The following SGSM1 variants were observed in gnomAD, a reference collection of about 807,000 sequenced individuals.
The protein encoded by SGSM1 is RUN and TBC1 domain containing 2.
A neutral mutation model predicts 133.8 loss-of-function variants in SGSM1; 73 were observed. The observed-to-expected ratio is 0.55, with a 90% CI of 0.45 to 0.66. SGSM1 has a LOEUF of 0.66. SGSM1 is among the 30% of genes least tolerant of loss of function. The pLI, the probability that SGSM1 is intolerant of heterozygous loss-of-function variation, is 0.00. For missense variants in SGSM1, 1,213 were observed against 1,448.1 expected (o/e 0.84, Z 2.64); for synonymous variants, 563 against 573.0 (o/e 0.98, Z 0.25).
At chr22:24,858,709 C>G (rs1930956993) in intron 8 of SGSM1, among the ~76,000 whole-genome samples, 1 of 151,954 alleles carries the variant, frequency 6.6e-6, no homozygotes, top group Admixed American at 6.5e-5. Flanking sequence ...AATTACGTGC[C>G]TGCCTTGCCA....
chr22:24,841,639 G>A (rs1929812151), intron 2 of SGSM1, among the ~76,000 whole-genome samples: 1 of 152,260 alleles, frequency 6.6e-6, no homozygotes, highest in South Asian at 2.1e-4. Flanking sequence ...ATTCAGGGGA[G>A]AGGTGATGGT....
intron 8 of SGSM1, among the ~76,000 whole-genome samples, chr22:24,857,877 C>T (rs1250230543): frequency 6.6e-6 from 1 of 152,186 alleles, no homozygotes; most frequent in Non-Finnish European, 1.5e-5. Context: ...ACAATATTTC[C>T]TATTTGTCCC....
At chr22:24,806,732 C>T (rs994989416) in intron 2 of SGSM1, among the ~76,000 whole-genome samples, 1 of 151,870 alleles carries the variant, frequency 6.6e-6, no homozygotes, top group African/African-American at 2.4e-5. Flanking sequence ...AGCGTGAGGG[C>T]CCTCCAGGTG....
intron 11 of SGSM1, 51 bp from the exon 12 acceptor site, chr22:24,868,672 T>A: frequency 6.2e-7 from 1 of 1,609,694 alleles, no homozygotes; most frequent in Non-Finnish European, 8.5e-7. Context: ...CTAAGCAAGT[T>A]GTGGGGACAG....
intron 3 of SGSM1, 23 bp downstream of exon 3, chr22:24,844,995 T>C (rs983829818): frequency 6.2e-7 from 1 of 1,611,864 alleles, no homozygotes; most frequent in Non-Finnish European, 8.5e-7. Context: ...CCTGGGAAAG[T>C]GGCTTCTTTC....
chr22:24,842,839 G>A (rs12485138), intron 2 of SGSM1, among the ~76,000 whole-genome samples: 13,872 of 152,206 alleles, frequency 0.091, 728 homozygotes, highest in East Asian at 0.17. Flanking sequence ...TTTATTGCGT[G>A]CCAGGTTCTG....
intron 11 of SGSM1, 67 bp downstream of exon 11, chr22:24,868,606 CTGTGTGCCCT>C: frequency 6.2e-7 from 1 of 1,611,476 alleles, no homozygotes; most frequent in Non-Finnish European, 8.5e-7. Context: ...TTGTTTTTGC[CTGTGTGCCCT>C]TATGTGGCTA....
chr22:24,828,711 A>G (rs1928934868), intron 2 of SGSM1, among the ~76,000 whole-genome samples: 5 of 152,352 alleles, frequency 3.3e-5, no homozygotes, highest in South Asian at 2.1e-4. Context: ...CGATCCAGCA[A>G]TCCCATTACT....
Position 24,923,400 on chromosome 22 carries a change from C to T in SGSM1, c.3194-786C>T, listed in dbSNP as rs530760057. 7.2e-5 allele frequency among the ~76,000 whole-genome samples: 11 copies of T among 152,168 alleles called. No homozygotes were observed. The South Asian group carries it at 1.7e-3, about 23-fold the overall frequency. Reference sequence around the variant, plus strand: ...ATGGTTTATTTATGATAAATGTCTACGTTTAGGATTATTTGGCTTAGAAGT... The same window carrying T: ...ATGGTTTATTTATGATAAATGTCTATGTTTAGGATTATTTGGCTTAGAAGT... On this transcript the variant is annotated intron_variant, in intron 24 of 24. Coordinates refer to ENST00000400358, the MANE Select transcript of SGSM1 (RefSeq NM_001098497.3).
At chr22:24,863,448 C>T (rs1601934704) in intron 9 of SGSM1, among the ~76,000 whole-genome samples, 2 of 152,284 alleles carry the variant, frequency 1.3e-5, no homozygotes, top group African/African-American at 4.8e-5. Context: ...TGAGCCACCG[C>T]GCCCGGCCAT....
intron 2 of SGSM1, among the ~76,000 whole-genome samples, chr22:24,839,930 CTCTT>C (rs1929688332): frequency 1.3e-5 from 1 of 79,252 alleles, no homozygotes; most frequent in African/African-American, 4.6e-5. Context: ...CAAACCATCT[CTCTT>C]TTTTTTTTTT....
intron 24 of SGSM1, among the ~76,000 whole-genome samples, chr22:24,922,271 G>A (rs5760735): frequency 1.4e-5 from 2 of 142,792 alleles, no homozygotes; most frequent in Admixed American, 7.4e-5. Context: ...AGCTCCACCT[G>A]TGGGATTCAC....
At chr22:24,822,302 C>T (rs541663313) in intron 2 of SGSM1, among the ~76,000 whole-genome samples, 60 of 152,030 alleles carry the variant, frequency 3.9e-4, no homozygotes, top group African/African-American at 1.4e-3. Context: ...CTGAGTTAGC[C>T]AGGATGGTCT....
At chr22:24,814,965 C>T (rs1308982139) in intron 2 of SGSM1, among the ~76,000 whole-genome samples, 1 of 152,206 alleles carries the variant, frequency 6.6e-6, no homozygotes, top group East Asian at 1.9e-4. Flanking sequence ...CTAAGGAGCT[C>T]AGAGTCCCTG....
intron 24 of SGSM1, among the ~76,000 whole-genome samples, chr22:24,923,441 G>A (rs1934083234): frequency 6.6e-6 from 1 of 152,044 alleles, no homozygotes; most frequent in South Asian, 2.1e-4. Flanking sequence ...CACATTGTGT[G>A]GCTCTTGATA....
chr22:24,839,219 T>A (rs985033169), intron 2 of SGSM1, among the ~76,000 whole-genome samples: 6 of 152,060 alleles, frequency 3.9e-5, no homozygotes, highest in African/African-American at 1.2e-4. Flanking sequence ...CATGCCTGGC[T>A]AGTTTTTGTA....
At chr22:24,834,952 G>A (rs917681999) in intron 2 of SGSM1, among the ~76,000 whole-genome samples, 1 of 151,984 alleles carries the variant, frequency 6.6e-6, no homozygotes, top group Non-Finnish European at 1.5e-5. Flanking sequence ...GTGATGTTGT[G>A]AGGCAAGGTA....
chr22:24,904,211 G>A (rs1453694018), intron 20 of SGSM1, among the ~76,000 whole-genome samples: 1 of 152,078 alleles, frequency 6.6e-6, no homozygotes, highest in Non-Finnish European at 1.5e-5. Flanking sequence ...TAAAAAATGT[G>A]TACATTCAGG....
At chr22:24,833,180 C>G (rs926740480) in intron 2 of SGSM1, among the ~76,000 whole-genome samples, 1 of 151,564 alleles carries the variant, frequency 6.6e-6, no homozygotes, top group Non-Finnish European at 1.5e-5. Flanking sequence ...AGTGATCTAC[C>G]CTCCTCGGCC....
Sources: gnomAD v4.1 joint callset for allele counts (sites outside exome capture counted in the v4.1 genomes callset) on GRCh38, gnomAD v4.1.1 for gene constraint, MANE v1.5 for transcripts, NCBI Gene and HGNC (gene_info 2026-07-23, HGNC 2026-07-21) for gene names.